GDAP1: variants seen among roughly 807,000 people sequenced by gnomAD.
GDAP1 encodes the protein ganglioside induced differentiation associated protein 1, also known as ganglioside-induced differentiation-associated protein 1.
Under a neutral mutation model 40.1 loss-of-function variants are expected in GDAP1, and 34 were observed. That is an observed-to-expected ratio of 0.85 (90% confidence interval 0.64 to 1.13). GDAP1 has a LOEUF of 1.13. Among genes scored for constraint, GDAP1 ranks in the 50% most tolerant of loss-of-function variants. GDAP1 has a pLI of 0.00. For synonymous variants in GDAP1, 170 were observed against 157.4 expected (o/e 1.08, Z -0.60); for missense variants, 374 against 433.7 (o/e 0.86, Z 1.22).
chr8:74,478,559 G>C (rs905875325), intron 2 of GDAP1, among the ~76,000 whole-genome samples: 1 of 152,112 alleles, frequency 6.6e-6, no homozygotes, highest in Non-Finnish European at 1.5e-5. Flanking sequence ...CAGACTGAGG[G>C]GTGCTCAGGT....
intron 2 of GDAP1, among the ~76,000 whole-genome samples, chr8:74,443,730 G>A (rs755651128): frequency 1.3e-5 from 2 of 152,208 alleles, no homozygotes; most frequent in Non-Finnish European, 2.9e-5. Context: ...AAGACCGTGA[G>A]TGACCACACC....
At chr8:74,458,401 G>C (rs893081771) in intron 2 of GDAP1, among the ~76,000 whole-genome samples, 1 of 152,150 alleles carries the variant, frequency 6.6e-6, no homozygotes, top group Non-Finnish European at 1.5e-5. Context: ...TGAAGACAAT[G>C]TTTACAGTTG....
At chr8:74,359,997 T>C (rs1809277881) in intron 2 of GDAP1, 140 bp from the exon 3 acceptor site, 1 of 702,744 alleles carries the variant, frequency 1.4e-6, no homozygotes, top group African/African-American at 1.8e-5. Flanking sequence ...AATGAATGTC[T>C]GAGGTGAGGA....
At chr8:74,471,023 G>T (rs1463164535) in intron 2 of GDAP1, among the ~76,000 whole-genome samples, 1 of 152,120 alleles carries the variant, frequency 6.6e-6, no homozygotes, top group African/African-American at 2.4e-5. Flanking sequence ...ATTTTTTCAT[G>T]TGTCTTTTGG....
intron 2 of GDAP1, among the ~76,000 whole-genome samples, chr8:74,456,421 A>G (rs1806337016): frequency 1.3e-5 from 2 of 151,952 alleles, no homozygotes; most frequent in African/African-American, 2.4e-5. Flanking sequence ...CTTAGTATCC[A>G]TGGTGCACCT....
intron 2 of GDAP1, among the ~76,000 whole-genome samples, chr8:74,355,132 A>G (rs910664976): frequency 3.9e-5 from 6 of 152,196 alleles, no homozygotes; most frequent in African/African-American, 1.2e-4. Flanking sequence ...TTCAAGTCAT[A>G]GCCTGAAATA....
At chr8:74,424,798 G>C (rs1805926268) in intron 2 of GDAP1, among the ~76,000 whole-genome samples, 1 of 152,108 alleles carries the variant, frequency 6.6e-6, no homozygotes, top group African/African-American at 2.4e-5. Flanking sequence ...TCTGGTCTAA[G>C]TATTAGAAAT....
intron 2 of GDAP1, among the ~76,000 whole-genome samples, chr8:74,387,135 A>G (rs1172401171): frequency 6.6e-6 from 1 of 152,236 alleles, no homozygotes; most frequent in African/African-American, 2.4e-5. Context: ...AACAGAGGCA[A>G]TTCTACTTTC....
chr8:74,488,252 T>A (rs1194077829), intron 2 of GDAP1, among the ~76,000 whole-genome samples: 1 of 152,178 alleles, frequency 6.6e-6, no homozygotes, highest in Non-Finnish European at 1.5e-5. Flanking sequence ...ATATTTTATC[T>A]TTTTCTACGG....
chr8:74,455,926 A>G (rs547929342), intron 2 of GDAP1, among the ~76,000 whole-genome samples: 2 of 152,048 alleles, frequency 1.3e-5, no homozygotes, highest in African/African-American at 4.8e-5. Flanking sequence ...TTAAAGAGTA[A>G]CAGAATATTT....
chr8:74,397,202 T>TGG (rs1563457275), intron 2 of GDAP1, among the ~76,000 whole-genome samples: 30 of 148,934 alleles, frequency 2.0e-4, no homozygotes, highest in Admixed American at 4.7e-4. Flanking sequence ...TTGATGGGTT[T>TGG]TTTTTTTTTT....
At chr8:74,426,225 TC>T (rs1314252365) in intron 2 of GDAP1, among the ~76,000 whole-genome samples, 1 of 152,236 alleles carries the variant, frequency 6.6e-6, no homozygotes, top group Non-Finnish European at 1.5e-5. Flanking sequence ...TTAACTGGCT[TC>T]TCCTAATGTT....
chr8:74,407,882 G>A (rs1280725336), intron 2 of GDAP1, among the ~76,000 whole-genome samples: 1 of 149,526 alleles, frequency 6.7e-6, no homozygotes, highest in Non-Finnish European at 1.5e-5. Context: ...AACTGACTTA[G>A]ACAACAGGAA....
chr8:74,484,896 G>A (rs1034715120), intron 2 of GDAP1, among the ~76,000 whole-genome samples: 2 of 151,944 alleles, frequency 1.3e-5, no homozygotes, highest in Non-Finnish European at 2.9e-5. Context: ...CATTACCACC[G>A]GCCAAGTTCA....
chr8:74,425,531 C>A (rs1805936321), intron 2 of GDAP1, among the ~76,000 whole-genome samples: 1 of 152,116 alleles, frequency 6.6e-6, no homozygotes, highest in African/African-American at 2.4e-5. Context: ...AAAGCAATTA[C>A]CCTTATCTGA....
Position 74,374,021 on chromosome 8 carries a change from G to A in GDAP1, c.165+22700G>A, listed in dbSNP as rs181602780. On this transcript the variant is annotated intron_variant, in intron 2 of 2. Coordinates refer to the GDAP1 transcript ENST00000523640. ...CTGCATCTACTGAGATAACCATGTG[G>A]TTTTTGTCTTTGTTTCTGTTTATAT... 2.4e-3 allele frequency among the ~76,000 whole-genome samples: 368 copies of A among 152,290 alleles called. 1 individual carries two copies. The highest frequency in any genetic ancestry group is 7.8e-3 in the African/African-American group (326 of 41,566).
chr8:74,373,745 T>G (rs1211758472), intron 2 of GDAP1, among the ~76,000 whole-genome samples: 1 of 152,194 alleles, frequency 6.6e-6, no homozygotes, highest in Admixed American at 6.5e-5. Flanking sequence ...TGAATATCTT[T>G]GTTTCTTTCT....
intron 2 of GDAP1, among the ~76,000 whole-genome samples, chr8:74,482,053 G>A (rs1387863321): frequency 1.3e-5 from 2 of 148,378 alleles, no homozygotes; most frequent in Non-Finnish European, 3.0e-5. Flanking sequence ...GTACGGTGGT[G>A]AAGGGGGAAG....
chr8:74,461,511 A>C (rs563102481), intron 2 of GDAP1, among the ~76,000 whole-genome samples: 1 of 152,228 alleles, frequency 6.6e-6, no homozygotes, highest in Non-Finnish European at 1.5e-5. Flanking sequence ...CAAAGTGCCC[A>C]CATTTGGCTG....
Sources: allele counts gnomAD v4.1 joint callset (sites outside exome capture counted in the v4.1 genomes callset), GRCh38; gene constraint gnomAD v4.1.1; transcripts MANE v1.5; gene names NCBI Gene and HGNC (gene_info 2026-07-23, HGNC 2026-07-21).